CHAF1A: variants seen among roughly 807,000 people sequenced by gnomAD.
CHAF1A encodes CAF-1 subunit A.
CHAF1A carries 5 observed loss-of-function variants against 93.2 expected under a neutral mutation model. The ratio of observed to expected loss-of-function variants is 0.05; its 90% CI spans 0.03 to 0.11. The LOEUF (loss-of-function observed/expected upper bound fraction) is 0.11, where lower values mean the gene tolerates loss of function less well. CHAF1A is among the 10% of genes least tolerant of loss of function. The pLI, the probability that CHAF1A is intolerant of heterozygous loss-of-function variation, is 1.00. For missense variants in CHAF1A, 1,102 were observed against 1,259.9 expected (o/e 0.87, Z 1.90); for synonymous variants, 504 against 510.3 (o/e 0.99, Z 0.17).
chr19:4,444,708 G>C (rs2145163009), downstream of CHAF1A: 1 of 152,558 alleles, frequency 6.6e-6, no homozygotes, highest in African/African-American at 2.4e-5. Flanking sequence ...TCCAGGAATA[G>C]GATGTGGCCG....
chr19:4,410,685 A>G (rs1302409622), intron 3 of CHAF1A, among the ~76,000 whole-genome samples: 2 of 152,104 alleles, frequency 1.3e-5, no homozygotes, highest in Non-Finnish European at 2.9e-5. Context: ...CCAGCCCTGC[A>G]AAAAAATTTT....
At chr19:4,412,251 C>T (rs771968324) in intron 3 of CHAF1A, among the ~76,000 whole-genome samples, 3 of 152,038 alleles carry the variant, frequency 2.0e-5, no homozygotes, top group Non-Finnish European at 2.9e-5. Flanking sequence ...TTAGCAAGAA[C>T]GGGACACATG....
chr19:4,446,154 G>A (rs767847248), downstream of CHAF1A: 59 of 1,610,508 alleles, frequency 3.7e-5, no homozygotes, highest in Non-Finnish European at 4.7e-5. Context: ...CCTCCCGGAC[G>A]AACCCGTACA....
At chr19:4,447,558 C>A, downstream of CHAF1A, 1 of 1,613,662 alleles carries the variant, frequency 6.2e-7, no homozygotes, top group Non-Finnish European at 8.5e-7. Context: ...ACCTGAAACA[C>A]CTTGTTCTGC....
downstream of CHAF1A, chr19:4,446,539 T>A (rs532929768): frequency 1.2e-6 from 2 of 1,612,048 alleles, no homozygotes; most frequent in Non-Finnish European, 1.7e-6. Context: ...TGCTGTGAGG[T>A]TGAAGAAGTC....
chr19:4,436,454 G>T (rs1298535101), intron 13 of CHAF1A, among the ~76,000 whole-genome samples: 1 of 152,216 alleles, frequency 6.6e-6, no homozygotes, highest in Non-Finnish European at 1.5e-5. Flanking sequence ...TGGGGCCACA[G>T]GAGGCCCCCA....
At chr19:4,414,457 G>A (rs1186743444) in intron 3 of CHAF1A, among the ~76,000 whole-genome samples, 3 of 151,646 alleles carry the variant, frequency 2.0e-5, no homozygotes, top group African/African-American at 7.3e-5. Flanking sequence ...TGTTCTCCCA[G>A]GAGGTTGCCA....
Position 4,402,662 on chromosome 19 carries a change from G to GGCAGCA in CHAF1A, c.-99_-98insAGCAGC. 1.5e-6 allele frequency: 1 copy of GGCAGCA among 684,372 alleles called. No individual in the cohort carries two copies. The highest frequency in any genetic ancestry group is 2.0e-6 in the Non-Finnish European group (1 of 504,314). The allele number at this position is 684,372 out of a possible 1,614,324, so 42.4% of individuals were successfully genotyped here. On this transcript the variant is annotated 5_prime_UTR_variant, in exon 1 of 15. Transcript: ENST00000301280. ...CGCCAAATACGAGCGCGGCGGCCGC[G>GGCAGCA]GCGGCAGCAGCGGCGCGGGCGGGAG...
intron 3 of CHAF1A, among the ~76,000 whole-genome samples, chr19:4,410,742 C>T (rs912168087): frequency 6.6e-6 from 1 of 152,166 alleles, no homozygotes; most frequent in Non-Finnish European, 1.5e-5. Context: ...TCCCAGCCAC[C>T]TGGGAAACTG....
intron 7 of CHAF1A, among the ~76,000 whole-genome samples, 184 bp from the exon 8 acceptor site, chr19:4,428,480 C>G (rs376650950): frequency 1.0e-3 from 157 of 152,286 alleles, no homozygotes; most frequent in African/African-American, 3.6e-3. Context: ...TTGAGACTGC[C>G]AATCTGCCCT....
chr19:4,447,682 C>G, downstream of CHAF1A: 1 of 1,559,064 alleles, frequency 6.4e-7, no homozygotes. Flanking sequence ...CCCGGCCCCT[C>G]TGTGCCTCCT....
intron 14 of CHAF1A, 68 bp downstream of exon 14, chr19:4,442,409 A>G: frequency 3.1e-6 from 4 of 1,307,664 alleles, no homozygotes; most frequent in South Asian, 1.3e-5. Flanking sequence ...TCAACAGAGA[A>G]GGGATGGGGC....
intron 12 of CHAF1A, among the ~76,000 whole-genome samples, chr19:4,432,852 T>TCAGCCCTGGCAACACACGTGCC (rs1974211485): frequency 1.3e-5 from 2 of 151,650 alleles, no homozygotes. Context: ...GCATTTGAAG[T>TCAGCCCTGGCAACACACGTGCC]CAGCCCTGGC....
chr19:4,406,641 G>A (rs1216833885), intron 2 of CHAF1A, among the ~76,000 whole-genome samples: 1 of 152,052 alleles, frequency 6.6e-6, no homozygotes. Context: ...TACCATGTTG[G>A]CCGGGATGGT....
At chr19:4,448,455 C>A (rs1208296254), downstream of CHAF1A, 8 of 1,533,230 alleles carry the variant, frequency 5.2e-6, no homozygotes, top group African/African-American at 6.9e-5. Context: ...CACTGAGAGC[C>A]CGGGCCGCAC....
At chr19:4,441,530 C>G (rs1404089200) in intron 13 of CHAF1A, among the ~76,000 whole-genome samples, 2 of 151,594 alleles carry the variant, frequency 1.3e-5, no homozygotes, top group East Asian at 3.9e-4. Context: ...ATCGCTTGAA[C>G]CCGGGTGGCG....
chr19:4,413,858 T>A (rs1323611712), intron 3 of CHAF1A, among the ~76,000 whole-genome samples: 2 of 152,124 alleles, frequency 1.3e-5, no homozygotes, highest in African/African-American at 4.8e-5. Context: ...ACTCCCAGGG[T>A]CCTTTGAATA....
At chr19:4,425,226 A>T (rs1244607912) in intron 7 of CHAF1A, among the ~76,000 whole-genome samples, 1 of 150,962 alleles carries the variant, frequency 6.6e-6, no homozygotes, top group Non-Finnish European at 1.5e-5. Flanking sequence ...TAATGCAATG[A>T]TATGGTTTCT....
intron 11 of CHAF1A, 85 bp from the exon 12 acceptor site, chr19:4,431,867 C>G: frequency 1.3e-6 from 2 of 1,511,852 alleles, no homozygotes; most frequent in Non-Finnish European, 1.8e-6. Context: ...TGCTCCCCAG[C>G]TGGCTGGGGA....
Sources: gnomAD v4.1 joint callset for allele counts (sites outside exome capture counted in the v4.1 genomes callset) on GRCh38, gnomAD v4.1.1 for gene constraint, MANE v1.5 for transcripts, NCBI Gene and HGNC (gene_info 2026-07-23, HGNC 2026-07-21) for gene names.